The following ZFP90 variants were observed in gnomAD, a reference collection of about 807,000 sequenced individuals.
The protein encoded by ZFP90 is ZFP90 zinc finger protein.
In ZFP90, 38 loss-of-function variants were observed where a neutral mutation model predicts 60.8. That is an observed-to-expected ratio of 0.62 (90% CI 0.48 to 0.82). ZFP90 has a LOEUF of 0.82. Ranked by LOEUF, ZFP90 falls within the 40% of genes least tolerant of loss-of-function variation. The pLI is 0.00. For missense variants in ZFP90, 711 were observed against 759.1 expected, an observed-to-expected ratio of 0.94 and a Z score of 0.74; for synonymous variants, 287 against 264.8, an observed-to-expected ratio of 1.08 and a Z score of -0.82.
downstream of ZFP90, among the ~76,000 whole-genome samples, chr16:68,569,221 C>A (rs1425569653): frequency 6.9e-6 from 1 of 144,080 alleles, no homozygotes; most frequent in African/African-American, 2.6e-5. Flanking sequence ...ACTGCAACTT[C>A]CGCCTACCAG....
Position 68,563,892 on chromosome 16 carries a change from A to C in ZFP90, c.1105A>C (p.Lys369Gln). ...THSGEKPFQCKECGKAFSRCS... is the reference protein window; with the variant it reads ...THSGEKPFQCQECGKAFSRCS... ...CAGTGGAGAGAAGCCCTTCCAGTGTAAGGAATGTGGGAAAGCCTTTAGTCG... is the reference window on the plus strand; with the variant it reads ...CAGTGGAGAGAAGCCCTTCCAGTGTCAGGAATGTGGGAAAGCCTTTAGTCG... The change falls in exon 5 of 5, where the codon AAG (lysine) becomes CAG (glutamine). Residue 369 changes from lysine (K) to glutamine (Q), a missense_variant. Lys to Gln is a moderately conservative substitution (Grantham distance 53, BLOSUM62 1). Around this residue, in one of 5 missense-constraint regions of ZFP90, gnomAD observed 146 missense variants for 201.4 expected, o/e 0.73. Transcript: ENST00000563169. The C allele has an allele frequency of 6.2e-7, 1 of 1,614,166 alleles. No individual in the cohort carries two copies. Among genetic ancestry groups the C allele is most frequent in the South Asian group, 1.1e-5 (1 of 91,072 alleles).
chr16:68,571,813 GT>G (rs2091569993), downstream of ZFP90, among the ~76,000 whole-genome samples: 1 of 151,960 alleles, frequency 6.6e-6, no homozygotes, highest in Non-Finnish European at 1.5e-5. Flanking sequence ...AAAAGAAAAA[GT>G]CTTGGCACTG....
At position 68,565,875 on chromosome 16, in the gene ZFP90, A is replaced by T; in HGVS notation, c.*1177A>T. The stretch of plus-strand genomic sequence containing the variant: ...TATGGTGTCTCACACCTGTAATCCC[A>T]GCACTTTGGGTGGCTAAGGCAGATA... On this transcript the variant is annotated 3_prime_UTR_variant, in exon 5 of 5. Transcript: ENST00000563169. 3.1e-6 allele frequency: 3 copies of T among 983,408 alleles called. No homozygotes were observed. Among genetic ancestry groups the T allele is most frequent in the Non-Finnish European group, 3.6e-6 (3 of 828,170 alleles). The allele number at this position is 983,408 out of a possible 1,614,324, so 60.9% of individuals were successfully genotyped here.
chr16:68,546,342 C>T lies in ZFP90; in HGVS notation c.33+6517C>T, dbSNP rs551457883. ...ATACATTCATATGTAATGCAGCCAT[C>T]ACCACTACCCATCTTCAAAATTCTT... On this transcript the variant is annotated intron_variant, in intron 2 of 4. Transcript: ENST00000563169. Among the ~76,000 whole-genome samples the T allele has an allele frequency of 2.4e-3, 372 of 152,284 alleles. 1 individual carries two copies. The highest frequency in any genetic ancestry group is 8.6e-3 in the African/African-American group (359 of 41,542).
At chr16:68,568,795 C>T (rs1463663996), downstream of ZFP90, among the ~76,000 whole-genome samples, 1 of 152,158 alleles carries the variant, frequency 6.6e-6, no homozygotes, top group Non-Finnish European at 1.5e-5. Flanking sequence ...TCTCATGTTT[C>T]AGCATCCCAA....
chr16:68,568,252 T>C (rs543130223), downstream of ZFP90, among the ~76,000 whole-genome samples: 5 of 152,220 alleles, frequency 3.3e-5, no homozygotes, highest in South Asian at 2.1e-4. Flanking sequence ...TATAGTGATA[T>C]AGTGTTTTAA....
chr16:68,537,233 C>G (rs1246188955), upstream of ZFP90, among the ~76,000 whole-genome samples: 1 of 152,004 alleles, frequency 6.6e-6, no homozygotes, highest in Non-Finnish European at 1.5e-5. Flanking sequence ...TCAAGCGATT[C>G]CCCTGCTACA....
At chr16:68,534,098 T>C (rs1019537667) in intron 2 of ZFP90, among the ~76,000 whole-genome samples, 5 of 152,002 alleles carry the variant, frequency 3.3e-5, no homozygotes, top group African/African-American at 1.2e-4. Flanking sequence ...TTTTTTAAAC[T>C]TTTTTTTATC....
downstream of ZFP90, among the ~76,000 whole-genome samples, chr16:68,568,731 T>G (rs1014823976): frequency 6.6e-6 from 1 of 152,144 alleles, no homozygotes; most frequent in Non-Finnish European, 1.5e-5. Context: ...CAGGCTGGAG[T>G]GCAGCAGTAC....
chr16:68,549,035 T>C (rs2091206734), intron 2 of ZFP90, among the ~76,000 whole-genome samples: 1 of 152,158 alleles, frequency 6.6e-6, no homozygotes, highest in South Asian at 2.1e-4. Context: ...TCTGTATCCA[T>C]TCACTCAGCA....
chr16:68,559,517 TTTAAC>T (rs2091402342), intron 4 of ZFP90, among the ~76,000 whole-genome samples: 1 of 152,114 alleles, frequency 6.6e-6, no homozygotes, highest in Non-Finnish European at 1.5e-5. Context: ...TTTCTTGCCT[TTTAAC>T]TTCTACTGGT....
intron 2 of ZFP90, chr16:68,557,317 G>A (rs148904914): frequency 0.013 from 5,914 of 453,764 alleles, 61 homozygotes; most frequent in Non-Finnish European, 0.017. Context: ...GTGCCCTGTC[G>A]CATTTTATTA....
At chr16:68,541,735 T>C (rs1242134659) in intron 2 of ZFP90, among the ~76,000 whole-genome samples, 1 of 152,224 alleles carries the variant, frequency 6.6e-6, no homozygotes, top group African/African-American at 2.4e-5. Flanking sequence ...TCATGATCGT[T>C]ATCCCCTTTA....
Position 68,564,895 on chromosome 16 carries a change from A to G in ZFP90, c.*197A>G. 7.4e-7 allele frequency: 1 copy of G among 1,348,442 alleles called. No individual in the cohort carries two copies. Among genetic ancestry groups the G allele is most frequent in the Admixed American group, 3.5e-5 (1 of 28,402 alleles). 83.5% of individuals were successfully genotyped at this position (1,348,442 alleles called of 1,614,324 possible). On this transcript the variant is annotated 3_prime_UTR_variant, in exon 5 of 5. Coordinates refer to ENST00000563169, the MANE Select transcript of ZFP90 (RefSeq NM_001305203.2). Reference sequence around the variant, plus strand: ...CTCAGATCTGATTACAGACTAGTGTAAAAACAGCTACATGTATGTAGCTGG... The same window carrying G: ...CTCAGATCTGATTACAGACTAGTGTGAAAACAGCTACATGTATGTAGCTGG...
Position 68,565,279 on chromosome 16 carries a change from T to C in ZFP90, c.*581T>C. On this transcript the variant is annotated 3_prime_UTR_variant, in exon 5 of 5. Coordinates refer to ENST00000563169, the MANE Select transcript of ZFP90 (RefSeq NM_001305203.2). ...GGTAAAGCTGGGTTAAAAATGCAGGTTTCCTGGATTTGGGGCCCCATGGCC... is the reference window on the plus strand; with the variant it reads ...GGTAAAGCTGGGTTAAAAATGCAGGCTTCCTGGATTTGGGGCCCCATGGCC... 3.0e-6 allele frequency: 3 copies of C among 985,352 alleles called. No individual in the cohort carries two copies. Among genetic ancestry groups the C allele is most frequent in the Non-Finnish European group, 3.6e-6 (3 of 829,760 alleles). The allele number at this position is 985,352 out of a possible 1,614,324, so 61.0% of individuals were successfully genotyped here. A position where few individuals can be genotyped will look rare whatever the true frequency, so the allele number is the denominator to read the frequency against.
intron 2 of ZFP90, chr16:68,574,172 C>A (rs887782277): frequency 1.6e-5 from 2 of 123,720 alleles, no homozygotes; most frequent in Non-Finnish European, 3.2e-5. Flanking sequence ...ATAAGTTGAA[C>A]CATATGAAAT....
chr16:68,562,964 A>G, intron 4 of ZFP90, 80 bp from the exon 5 acceptor site: 3 of 1,577,558 alleles, frequency 1.9e-6, no homozygotes, highest in South Asian at 2.3e-5. Context: ...TGTAACTTAT[A>G]TGTCTTTCTT....
chr16:68,562,898 T>C, intron 4 of ZFP90, 146 bp from the exon 5 acceptor site: 1 of 1,525,950 alleles, frequency 6.6e-7, no homozygotes, highest in Non-Finnish European at 8.8e-7. Context: ...CTTTTCCTTT[T>C]CTCCATTTTG....
upstream of ZFP90, among the ~76,000 whole-genome samples, chr16:68,537,548 T>G (rs2090970601): frequency 6.6e-6 from 1 of 152,170 alleles, no homozygotes; most frequent in South Asian, 2.1e-4. Flanking sequence ...CACAAAGCAG[T>G]GATAGAAAGC....
Sources: gnomAD v4.1 joint callset for allele counts (sites outside exome capture counted in the v4.1 genomes callset) on GRCh38, gnomAD v4.1.1 for gene constraint, gnomAD v4.1.1 regional missense constraint, MANE v1.5 for transcripts, NCBI Gene and HGNC (gene_info 2026-07-23, HGNC 2026-07-21) for gene names.